The following PFKFB3 variants were observed in gnomAD, a reference collection of about 807,000 sequenced individuals.
PFKFB3 encodes 6-phosphofructo-2-kinase/fructose-2,6-bisphosphatase 3.
PFKFB3 carries 33 observed loss-of-function variants against 68.0 expected under a neutral mutation model. The observed-to-expected ratio is 0.49, with a 90% CI of 0.37 to 0.65. The LOEUF (loss-of-function observed/expected upper bound fraction) is 0.65. Ranked by LOEUF, PFKFB3 falls within the 30% of genes least tolerant of loss-of-function variation. PFKFB3 has a pLI of 0.00. For synonymous variants in PFKFB3, 315 were observed against 288.2 expected (o/e 1.09, Z -0.94); for missense variants, 586 against 712.2 (o/e 0.82, Z 2.02).
chr10:6,179,651 C>T (rs577421091), intron 1 of PFKFB3, among the ~76,000 whole-genome samples: 5 of 152,116 alleles, frequency 3.3e-5, no homozygotes, highest in Non-Finnish European at 7.4e-5. Context: ...AGGAAGAACC[C>T]GTCTCCCCTC....
chr10:6,178,330 C>A (rs370199720), intron 1 of PFKFB3, among the ~76,000 whole-genome samples: 29 of 152,096 alleles, frequency 1.9e-4, no homozygotes, highest in African/African-American at 7.0e-4. Flanking sequence ...GTTCCAGGGT[C>A]CATCAGCAAC....
the PFKFB3 span, among the ~76,000 whole-genome samples, chr10:6,296,395 G>A: frequency 6.6e-6 from 1 of 152,184 alleles, no homozygotes; most frequent in Non-Finnish European, 1.5e-5. Flanking sequence ...GACACCAAGA[G>A]AGGGTTCTTG....
chr10:6,227,436 C>G (rs57011859), intron 14 of PFKFB3, among the ~76,000 whole-genome samples: 1 of 152,170 alleles, frequency 6.6e-6, no homozygotes, highest in African/African-American at 2.4e-5. Flanking sequence ...CCGCCTTTTC[C>G]GAGACTTCCT....
intron 13 of PFKFB3, 83 bp downstream of exon 13, chr10:6,224,296 C>A: frequency 7.1e-7 from 1 of 1,399,604 alleles, no homozygotes; most frequent in South Asian, 1.2e-5. Context: ...GGCCCCGGGG[C>A]CGCTTGCCTG....
At chr10:6,254,010 C>G (rs933280869) in intron 14 of PFKFB3, among the ~76,000 whole-genome samples, 1 of 151,982 alleles carries the variant, frequency 6.6e-6, no homozygotes, top group African/African-American at 2.4e-5. Flanking sequence ...TACCACTGCA[C>G]TCCAGCCTGG....
In PFKFB3 at chr10:6,221,396, A is replaced by G; in HGVS notation, c.847A>G (p.Ser283Gly). 6.2e-7 allele frequency: 1 copy of G among 1,613,868 alleles called. No individual in the cohort carries two copies. The highest frequency in any genetic ancestry group is 8.5e-7 in the Non-Finnish European group (1 of 1,179,996). The change falls in exon 9 of 15, where the codon AGC becomes GGC. Residue 283 changes from serine (S) to glycine (G), a missense_variant. Ser to Gly is a moderately conservative substitution (Grantham distance 56). Transcript: ENST00000379775. ...CACCTCTCAGTTTGCCAGTGCTCTG[A>G]GCAAGTTCGTGGAGGAGCAGAACCT... ...SRGKKFASAL[S>G]KFVEEQNLKD...
chr10:6,261,260 TC>T, the PFKFB3 span, among the ~76,000 whole-genome samples: 1 of 152,256 alleles, frequency 6.6e-6, no homozygotes, highest in Non-Finnish European at 1.5e-5. Context: ...TAGGATGTTT[TC>T]TGGATGCAAG....
chr10:6,147,578 G>C (rs1841432814), intron 1 of PFKFB3, among the ~76,000 whole-genome samples: 1 of 152,238 alleles, frequency 6.6e-6, no homozygotes, highest in South Asian at 2.1e-4. Context: ...TTAGCACCTT[G>C]AGGTTTAAAA....
chr10:6,254,163 CT>C, intron 14 of PFKFB3: 1 of 384,690 alleles, frequency 2.6e-6, no homozygotes, highest in African/African-American at 2.2e-5. Context: ...CCACAATGTA[CT>C]CCTTCCTGTT....
At chr10:6,208,315 T>C (rs1356462906) in intron 1 of PFKFB3, among the ~76,000 whole-genome samples, 1 of 144,740 alleles carries the variant, frequency 6.9e-6, no homozygotes, top group African/African-American at 2.6e-5. Context: ...CCTCAAGCAA[T>C]GCCCCCTTGG....
chr10:6,270,985 A>G, the PFKFB3 span, among the ~76,000 whole-genome samples: 15 of 152,352 alleles, frequency 9.8e-5, 2 homozygotes, highest in Admixed American at 6.5e-4. Context: ...AGATTTTCCC[A>G]GTTCTTAAAC....
At chr10:6,318,340 C>T in the PFKFB3 span, among the ~76,000 whole-genome samples, 7 of 152,328 alleles carry the variant, frequency 4.6e-5, 1 homozygote, top group South Asian at 1.2e-3. Context: ...GCATACACCA[C>T]CAGCTTCCTT....
At chr10:6,145,401 G>C (rs1841351249) in intron 1 of PFKFB3, among the ~76,000 whole-genome samples, 1 of 143,118 alleles carries the variant, frequency 7.0e-6, no homozygotes, top group Non-Finnish European at 1.5e-5. Context: ...GGCGACTCCG[G>C]CCGCCACCAC....
chr10:6,214,543 T>C (rs1844438251), intron 2 of PFKFB3, among the ~76,000 whole-genome samples: 1 of 152,164 alleles, frequency 6.6e-6, no homozygotes, highest in Non-Finnish European at 1.5e-5. Context: ...AATTTTATTT[T>C]AGATTCGGGT....
At chr10:6,274,210 A>G in the PFKFB3 span, among the ~76,000 whole-genome samples, 1 of 152,040 alleles carries the variant, frequency 6.6e-6, no homozygotes, top group South Asian at 2.1e-4. Context: ...TAAAAAAAAA[A>G]AAAATTAAAA....
intron 13 of PFKFB3, among the ~76,000 whole-genome samples, chr10:6,224,949 T>C (rs1201489139): frequency 1.5e-5 from 2 of 134,258 alleles, no homozygotes; most frequent in African/African-American, 6.2e-5. Flanking sequence ...AACACGGTGT[T>C]GAGAGACGGG....
the PFKFB3 span, among the ~76,000 whole-genome samples, chr10:6,324,795 A>G: frequency 3.3e-5 from 5 of 151,964 alleles, no homozygotes; most frequent in African/African-American, 9.7e-5. Context: ...ATTTTATGTT[A>G]TATATATTTT....
At chr10:6,200,666 G>C (rs867686437), upstream of PFKFB3, among the ~76,000 whole-genome samples, 849 of 133,826 alleles carry the variant, frequency 6.3e-3, 42 homozygotes, top group East Asian at 0.034. Flanking sequence ...GAGCGGGGGG[G>C]GGGGGGGGGC....
chr10:6,222,394 T>C (rs1845026218), intron 10 of PFKFB3, among the ~76,000 whole-genome samples: 1 of 152,256 alleles, frequency 6.6e-6, no homozygotes, highest in African/African-American at 2.4e-5. Flanking sequence ...ACGTTAAAGT[T>C]ATGATTTAGT....
Sources: allele counts gnomAD v4.1 joint callset (sites outside exome capture counted in the v4.1 genomes callset), GRCh38; gene constraint gnomAD v4.1.1; transcripts MANE v1.5; gene names NCBI Gene and HGNC (gene_info 2026-07-23, HGNC 2026-07-21).